Variants in RALGPS1 observed in about 807,000 individuals in gnomAD.
The protein encoded by RALGPS1 is Ral GEF with PH domain and SH3 binding motif 1.
A neutral mutation model predicts 78.8 loss-of-function variants in RALGPS1; 19 were observed. The observed-to-expected ratio is 0.24, with a 90% confidence interval of 0.17 to 0.35. RALGPS1 has a LOEUF of 0.35. Ranked by LOEUF, RALGPS1 falls within the 10% of genes least tolerant of loss-of-function variation. The probability of loss-of-function intolerance (pLI) is 1.00; values close to 1 mark genes in which losing one functional copy is unlikely to be tolerated. For missense variants in RALGPS1, 454 were observed against 688.3 expected (o/e 0.66, Z 3.81); for synonymous variants, 228 against 256.3 (o/e 0.89, Z 1.06).
At chr9:127,161,455 C>T (rs890510848) in intron 8 of RALGPS1, among the ~76,000 whole-genome samples, 2 of 152,170 alleles carry the variant, frequency 1.3e-5, no homozygotes, top group Non-Finnish European at 2.9e-5. Context: ...GCCTGGGTTC[C>T]GAGTCTCCTG....
At chr9:127,093,055 G>A (rs1053685652) in intron 8 of RALGPS1, among the ~76,000 whole-genome samples, 1 of 152,080 alleles carries the variant, frequency 6.6e-6, no homozygotes. Flanking sequence ...AGGTTGATAC[G>A]AGATTAAACA....
At chr9:126,951,011 A>G (rs2037761460) in intron 1 of RALGPS1, among the ~76,000 whole-genome samples, 1 of 152,250 alleles carries the variant, frequency 6.6e-6, no homozygotes, top group South Asian at 2.1e-4. Flanking sequence ...ACAGAAATAC[A>G]AGCTACCATC....
intron 11 of RALGPS1, among the ~76,000 whole-genome samples, chr9:127,185,344 C>T (rs1453736319): frequency 6.6e-6 from 1 of 152,258 alleles, no homozygotes; most frequent in Non-Finnish European, 1.5e-5. Context: ...GTTCTGTCTG[C>T]ATCCATCACT....
intron 11 of RALGPS1, among the ~76,000 whole-genome samples, chr9:127,176,512 C>T (rs377167991): frequency 6.6e-6 from 1 of 152,168 alleles, no homozygotes; most frequent in Non-Finnish European, 1.5e-5. Flanking sequence ...CCTATTGCAT[C>T]GGGAGATAGT....
At chr9:127,192,514 G>C (rs983694279) in intron 11 of RALGPS1, among the ~76,000 whole-genome samples, 1 of 152,228 alleles carries the variant, frequency 6.6e-6, no homozygotes, top group Non-Finnish European at 1.5e-5. Context: ...GCCAGGCCTG[G>C]TGGCACCCTC....
intron 1 of RALGPS1, among the ~76,000 whole-genome samples, chr9:126,926,307 G>A (rs186040053): frequency 3.3e-4 from 50 of 152,326 alleles, no homozygotes; most frequent in African/African-American, 1.2e-3. Flanking sequence ...ACAGATAGAA[G>A]TAAATACATA....
chr9:127,025,399 AAATACCT>A, intron 4 of RALGPS1, among the ~76,000 whole-genome samples: 1 of 152,296 alleles, frequency 6.6e-6, no homozygotes, highest in East Asian at 1.9e-4. Context: ...GGTATTGGGT[AAATACCT>A]ACCCAATGGG....
At chr9:127,062,264 A>G (rs947816419) in intron 7 of RALGPS1, among the ~76,000 whole-genome samples, 10 of 152,036 alleles carry the variant, frequency 6.6e-5, no homozygotes, top group African/African-American at 1.7e-4. Flanking sequence ...TGCCCGGCTA[A>G]TTTTTTGTAT....
At chr9:127,111,050 A>G (rs549536297) in intron 8 of RALGPS1, among the ~76,000 whole-genome samples, 4 of 152,136 alleles carry the variant, frequency 2.6e-5, no homozygotes, top group East Asian at 3.9e-4. Context: ...AAGGCACTCT[A>G]TGATCTGGCC....
At chr9:126,938,401 C>T (rs183273731) in intron 1 of RALGPS1, among the ~76,000 whole-genome samples, 3 of 152,324 alleles carry the variant, frequency 2.0e-5, no homozygotes, top group African/African-American at 7.2e-5. Context: ...CCCTGTCTGT[C>T]CCTATTCTGT....
intron 8 of RALGPS1, among the ~76,000 whole-genome samples, chr9:127,085,523 C>G (rs1049233256): frequency 1.1e-4 from 17 of 152,208 alleles, no homozygotes; most frequent in Admixed American, 1.1e-3. Context: ...GCTTAGTGAA[C>G]TGACCCCTAC....
At chr9:127,052,305 C>T (rs1050585407) in intron 6 of RALGPS1, among the ~76,000 whole-genome samples, 1 of 152,222 alleles carries the variant, frequency 6.6e-6, no homozygotes, top group African/African-American at 2.4e-5. Context: ...TTCTGTTTCC[C>T]TCCATGGTAA....
intron 4 of RALGPS1, among the ~76,000 whole-genome samples, chr9:126,989,538 G>A (rs2042098356): frequency 6.6e-6 from 1 of 152,146 alleles, no homozygotes; most frequent in Non-Finnish European, 1.5e-5. Context: ...ATCTATTCCT[G>A]GGTTTGAGGC....
intron 4 of RALGPS1, among the ~76,000 whole-genome samples, chr9:127,006,817 T>C (rs2043875837): frequency 6.6e-6 from 1 of 152,156 alleles, no homozygotes; most frequent in Non-Finnish European, 1.5e-5. Flanking sequence ...GCTTCTGTTG[T>C]GCCAGGGTAC....
intron 4 of RALGPS1, among the ~76,000 whole-genome samples, chr9:126,982,678 A>T (rs1030604731): frequency 6.6e-6 from 1 of 151,878 alleles, no homozygotes; most frequent in Non-Finnish European, 1.5e-5. Context: ...CTCTAGATAC[A>T]TGCCTTCCTG....
At chr9:127,125,475 A>G (rs1031437707) in intron 8 of RALGPS1, among the ~76,000 whole-genome samples, 1 of 152,190 alleles carries the variant, frequency 6.6e-6, no homozygotes, top group Non-Finnish European at 1.5e-5. Flanking sequence ...CCTCACTTGT[A>G]AAAAGGGGAT....
chr9:127,103,575 T>A (rs1444733518), intron 8 of RALGPS1, among the ~76,000 whole-genome samples: 2 of 152,224 alleles, frequency 1.3e-5, no homozygotes, highest in Non-Finnish European at 2.9e-5. Context: ...TGGGTCCATT[T>A]GCTGGGAGTC....
At chr9:127,107,916 C>G (rs145108712) in intron 8 of RALGPS1, 7 of 1,529,284 alleles carry the variant, frequency 4.6e-6, no homozygotes, top group Middle Eastern at 1.8e-4. Flanking sequence ...AGCACTTACC[C>G]GACGGCTTGT....
intron 11 of RALGPS1, chr9:127,177,754 C>G: frequency 6.9e-7 from 1 of 1,454,436 alleles, no homozygotes; most frequent in African/African-American, 1.4e-5. Context: ...AAAGGAGGCA[C>G]TGCATTTCCT....
Sources: gnomAD v4.1 joint callset for allele counts (sites outside exome capture counted in the v4.1 genomes callset) on GRCh38, gnomAD v4.1.1 for gene constraint, MANE v1.5 for transcripts, NCBI Gene and HGNC (gene_info 2026-07-23, HGNC 2026-07-21) for gene names.